WWC2: variants seen among roughly 807,000 people sequenced by gnomAD.
The protein encoded by WWC2 is protein WWC2.
WWC2 carries 101 observed loss-of-function variants against 138.5 expected under a neutral mutation model. The observed-to-expected ratio is 0.73, with a 90% CI of 0.62 to 0.86. WWC2 has a LOEUF of 0.86. Among genes scored for constraint, WWC2 ranks in the 40% least tolerant of loss-of-function variants. The probability of loss-of-function intolerance (pLI) is 0.00; values close to 1 mark genes in which losing one functional copy is unlikely to be tolerated. For missense variants in WWC2, 1,420 were observed against 1,419.4 expected (o/e 1.00, Z -0.01); for synonymous variants, 558 against 538.4 (o/e 1.04, Z -0.50).
chr4:183,269,306 T>C (rs1010337792), intron 15 of WWC2, 143 bp downstream of exon 15: 3 of 837,752 alleles, frequency 3.6e-6, no homozygotes, highest in Non-Finnish European at 5.8e-6. Context: ...GTTTGTTCAT[T>C]TTTTTCTGAA....
chr4:183,116,270 A>G (rs2152888791), intron 1 of WWC2, among the ~76,000 whole-genome samples: 1 of 152,304 alleles, frequency 6.6e-6, no homozygotes, highest in South Asian at 2.1e-4. Context: ...GATGATGATG[A>G]CAAGTACCAT....
chr4:183,172,909 A>G (rs1734336147), intron 1 of WWC2, among the ~76,000 whole-genome samples: 1 of 151,880 alleles, frequency 6.6e-6, no homozygotes, highest in Non-Finnish European at 1.5e-5. Flanking sequence ...TCTTTGGGAA[A>G]TTTTTTAAAC....
chr4:183,284,185 A>G, intron 18 of WWC2, 41 bp from the exon 19 acceptor site: 2 of 1,603,114 alleles, frequency 1.2e-6, no homozygotes, highest in South Asian at 2.2e-5. Flanking sequence ...TAATGTTTAC[A>G]CATCTTTCAG....
intron 1 of WWC2, 139 bp downstream of exon 1, chr4:183,099,761 C>A: frequency 2.2e-6 from 2 of 926,462 alleles, no homozygotes; most frequent in Non-Finnish European, 2.7e-6. Flanking sequence ...GCTGGCTGCT[C>A]CGGCGGGGCC....
At chr4:183,171,891 G>A (rs1734296601) in intron 1 of WWC2, among the ~76,000 whole-genome samples, 1 of 152,182 alleles carries the variant, frequency 6.6e-6, no homozygotes, top group Non-Finnish European at 1.5e-5. Flanking sequence ...TCATGCACAT[G>A]TGCCTCCCTC....
chr4:183,209,016 A>C lies in WWC2; in HGVS notation c.513A>C (p.Thr171=), dbSNP rs1735521921. 6.4e-7 allele frequency: 1 copy of C among 1,568,006 alleles called. No homozygotes were observed. The highest frequency in any genetic ancestry group is 8.7e-7 in the Non-Finnish European group (1 of 1,153,330). Residue 171 remains threonine (T), a synonymous_variant, in exon 4 of 23, where the codon ACA becomes ACC. Transcript: ENST00000403733. ...TTTTAAAAGCTGAGATCTCCACTACAAGATTAAGGGTAAGAAGTTTTAAAT... is the reference window on the plus strand; with the variant it reads ...TTTTAAAAGCTGAGATCTCCACTACCAGATTAAGGGTAAGAAGTTTTAAAT... The part of the protein sequence containing the change: ...PDILKAEIST[T]RLRVKKLKRE...
chr4:183,099,435 G>C lies in WWC2; in HGVS notation c.-57G>C. The C allele has an allele frequency of 1.7e-6, 2 of 1,197,516 alleles. No homozygotes were observed. Among genetic ancestry groups the C allele is most frequent in the Non-Finnish European group, 2.1e-6 (2 of 960,318 alleles). 74.2% of individuals were successfully genotyped at this position (1,197,516 alleles called of 1,614,324 possible). On this transcript the variant is annotated 5_prime_UTR_variant, in exon 1 of 23. Transcript: ENST00000403733. ...AGCCTAGCCCGGCAGCCGCGTTCCC[G>C]CCGCGTCCCGCGCCCGGTACCTATG...
chr4:183,279,522 T>C (rs544230434), intron 16 of WWC2, among the ~76,000 whole-genome samples: 1 of 152,334 alleles, frequency 6.6e-6, no homozygotes, highest in South Asian at 2.1e-4. Flanking sequence ...CCTCTTTTTC[T>C]ATTGATTGGA....
At position 183,318,675 on chromosome 4, in the gene WWC2, T is replaced by A. The variant is rs566778396; in HGVS notation, c.*2946T>A. On this transcript the variant is annotated 3_prime_UTR_variant, in exon 23 of 23. Coordinates refer to ENST00000403733, the MANE Select transcript of WWC2 (RefSeq NM_024949.6). Reference sequence around the variant, plus strand: ...CTGGCAGTTTGTGATGAATAGTTCTTGTTGGAACTATATGTATTGCTGATA... The same window carrying A: ...CTGGCAGTTTGTGATGAATAGTTCTAGTTGGAACTATATGTATTGCTGATA... 2.6e-5 allele frequency: 4 copies of A among 152,332 alleles called. No homozygotes were observed. The highest frequency in any genetic ancestry group is 9.6e-5 in the African/African-American group (4 of 41,576). The allele number at this position is 152,332 out of a possible 1,614,324, so 9.4% of individuals were successfully genotyped here.
At chr4:183,211,299 C>T (rs1490744233) in intron 4 of WWC2, among the ~76,000 whole-genome samples, 2 of 152,098 alleles carry the variant, frequency 1.3e-5, no homozygotes, top group African/African-American at 4.8e-5. Flanking sequence ...GGCATCATAA[C>T]GAGACATAAT....
intron 21 of WWC2, among the ~76,000 whole-genome samples, chr4:183,291,857 A>T (rs182112191): frequency 5.3e-4 from 81 of 152,226 alleles, no homozygotes; most frequent in Non-Finnish European, 2.6e-4. Flanking sequence ...AGCTCTGGCA[A>T]AATTAATGAA....
At position 183,278,381 on chromosome 4, in the gene WWC2, C is replaced by G. The variant is rs538613232; in HGVS notation, c.2563-2395C>G. On this transcript the variant is annotated intron_variant, in intron 16 of 22. Transcript: ENST00000403733. ...TACCATGCTGTTTTGTTTACTGTAG[C>G]CTTGTAGTATAGTTTGAAGTCAGGT... 1.2e-3 allele frequency among the ~76,000 whole-genome samples: 185 copies of G among 152,226 alleles called. 3 individuals carry two copies. The East Asian group carries it at 0.033, about 27-fold the overall frequency.
chr4:183,284,005 A>G (rs1738163858), intron 18 of WWC2, among the ~76,000 whole-genome samples: 1 of 152,174 alleles, frequency 6.6e-6, no homozygotes, highest in Admixed American at 6.5e-5. Context: ...CTTCCTAAGA[A>G]CTTAGTACAA....
chr4:183,212,332 T>C (rs1009500166), intron 4 of WWC2, among the ~76,000 whole-genome samples: 1 of 152,184 alleles, frequency 6.6e-6, no homozygotes, highest in Admixed American at 6.5e-5. Flanking sequence ...TAAATACCAC[T>C]CCAGGGTGTC....
At chr4:183,179,862 G>A (rs921278217) in intron 1 of WWC2, among the ~76,000 whole-genome samples, 19 of 152,142 alleles carry the variant, frequency 1.2e-4, no homozygotes, top group Non-Finnish European at 1.8e-4. Context: ...TGTGTACCAT[G>A]TATGTGTTTG....
intron 1 of WWC2, among the ~76,000 whole-genome samples, chr4:183,163,872 A>G (rs1160077402): frequency 6.6e-6 from 1 of 152,166 alleles, no homozygotes; most frequent in Non-Finnish European, 1.5e-5. Flanking sequence ...GAATTGAATC[A>G]TCAAATAAGG....
intron 1 of WWC2, among the ~76,000 whole-genome samples, chr4:183,148,370 T>G (rs916495846): frequency 4.6e-5 from 7 of 152,204 alleles, no homozygotes; most frequent in African/African-American, 1.7e-4. Flanking sequence ...ATCTTAGATT[T>G]TAACTAAGTA....
At chr4:183,174,128 G>C (rs2111169215) in intron 1 of WWC2, among the ~76,000 whole-genome samples, 1 of 152,276 alleles carries the variant, frequency 6.6e-6, no homozygotes, top group East Asian at 1.9e-4. Context: ...GCTGTTCAGT[G>C]TGTGCACACT....
intron 6 of WWC2, 24 bp downstream of exon 6, chr4:183,245,569 AG>A: frequency 6.4e-7 from 1 of 1,554,092 alleles, no homozygotes; most frequent in East Asian, 2.3e-5. Flanking sequence ...CATTTTGTTA[AG>A]CCAAACTTCT....
Sources: allele counts gnomAD v4.1 joint callset (sites outside exome capture counted in the v4.1 genomes callset), GRCh38; gene constraint gnomAD v4.1.1; transcripts MANE v1.5; gene names NCBI Gene and HGNC (gene_info 2026-07-23, HGNC 2026-07-21).